Variants in CDH4 observed in about 807,000 individuals in gnomAD.
The protein encoded by CDH4 is cadherin 4.
Under a neutral mutation model 86.0 loss-of-function variants are expected in CDH4, and 33 were observed. The ratio of observed to expected loss-of-function variants is 0.38; its 90% confidence interval spans 0.29 to 0.51. CDH4 has a LOEUF of 0.51. CDH4 is among the 20% of genes least tolerant of loss of function. CDH4 has a pLI of 0.86. For synonymous variants in CDH4, 555 were observed against 549.4 expected, an observed-to-expected ratio of 1.01 and a Z score of -0.14; for missense variants, 1,114 against 1,307.4, an observed-to-expected ratio of 0.85 and a Z score of 2.28.
intron 2 of CDH4, among the ~76,000 whole-genome samples, chr20:61,394,010 T>C (rs1422043341): frequency 6.6e-6 from 1 of 152,216 alleles, no homozygotes; most frequent in African/African-American, 2.4e-5. Context: ...AGACGTATAA[T>C]ACAAATACTT....
chr20:61,789,374 GT>G (rs562204181), intron 4 of CDH4, among the ~76,000 whole-genome samples: 131 of 152,314 alleles, frequency 8.6e-4, no homozygotes, highest in African/African-American at 3.0e-3. Flanking sequence ...GAGCCTTGGT[GT>G]CTGTTTCTTA....
intron 2 of CDH4, among the ~76,000 whole-genome samples, chr20:61,428,012 A>C (rs1199276506): frequency 6.6e-6 from 1 of 152,150 alleles, no homozygotes; most frequent in African/African-American, 2.4e-5. Flanking sequence ...TGAGGAGTGA[A>C]TGAAGATGGT....
rs1250915844 is a variant in CDH4, at chr20:61,807,580, C to T, written c.576+34398C>T. Among the ~76,000 whole-genome samples the T allele has an allele frequency of 6.6e-6, 1 of 152,154 alleles. No individual in the cohort carries two copies. The highest frequency in any genetic ancestry group is 1.9e-4 in the East Asian group (1 of 5,180). On this transcript the variant is annotated intron_variant, in intron 4 of 15. Transcript: ENST00000614565. The surrounding 1 kb of genome is among the most constrained non-coding windows in gnomAD (Gnocchi z 4.5). Reference sequence around the variant, plus strand: ...TCAGCGAGGGGAGTGTGACCAAGGGCAGGTGTTCCGTGCAGGGCTGGTTGG... The same window carrying T: ...TCAGCGAGGGGAGTGTGACCAAGGGTAGGTGTTCCGTGCAGGGCTGGTTGG...
intron 2 of CDH4, among the ~76,000 whole-genome samples, chr20:61,262,239 G>C (rs78415146): frequency 6.6e-6 from 1 of 152,198 alleles, no homozygotes; most frequent in Non-Finnish European, 1.5e-5. Flanking sequence ...AGCTGATGCC[G>C]TGAGAGCTGG....
chr20:61,329,482 G>T (rs546021814), intron 2 of CDH4, among the ~76,000 whole-genome samples: 1 of 113,720 alleles, frequency 8.8e-6, no homozygotes, highest in Non-Finnish European at 2.0e-5. Flanking sequence ...GGCTGTGAGT[G>T]GCTCTTCTGC....
In CDH4 at chr20:61,614,242, C is replaced by G. The variant is rs917782104; in HGVS notation, c.170-129321C>G. 8.2e-4 allele frequency among the ~76,000 whole-genome samples: 124 copies of G among 152,126 alleles called. 1 individual carries two copies. Among genetic ancestry groups the G allele is most frequent in the Non-Finnish European group, 2.8e-4 (19 of 67,992 alleles). On this transcript the variant is annotated intron_variant, in intron 2 of 15. Coordinates refer to ENST00000614565, the MANE Select transcript of CDH4 (RefSeq NM_001794.5). ...CCTAGAGATTATGGGAACTTTTTGC[C>G]CCACCCTCTGACCCCAGGAAGAGAA...
At chr20:61,504,928 G>A (rs1181601031) in intron 2 of CDH4, among the ~76,000 whole-genome samples, 1 of 152,170 alleles carries the variant, frequency 6.6e-6, no homozygotes, top group Admixed American at 6.6e-5. Context: ...GGTTTAATGG[G>A]GAAAATAAAA....
intron 2 of CDH4, among the ~76,000 whole-genome samples, chr20:61,567,943 A>T (rs771867129): frequency 9.2e-5 from 14 of 152,258 alleles, no homozygotes; most frequent in Non-Finnish European, 1.3e-4. Flanking sequence ...ACTGTACTCC[A>T]GCCTGGATGA....
intron 2 of CDH4, among the ~76,000 whole-genome samples, chr20:61,457,730 C>T (rs1469995514): frequency 6.7e-6 from 1 of 149,402 alleles, no homozygotes; most frequent in African/African-American, 2.5e-5. Context: ...GCAGTGCTGA[C>T]ACTGGTGGTG....
In CDH4 at chr20:61,810,514, G is replaced by A. The variant is rs1355659509; in HGVS notation, c.577-34154G>A. 1.3e-5 allele frequency among the ~76,000 whole-genome samples: 2 copies of A among 152,046 alleles called. No individual in the cohort carries two copies. The highest frequency in any genetic ancestry group is 2.4e-5 in the African/African-American group (1 of 41,382). ...TGGGAAGGAGCAAGGGAGCGTGTACGGGAACCAGAATCAGGGAGCCACAGG... is the reference window on the plus strand; with the variant it reads ...TGGGAAGGAGCAAGGGAGCGTGTACAGGAACCAGAATCAGGGAGCCACAGG... On this transcript the variant is annotated intron_variant, in intron 4 of 15. Transcript: ENST00000614565. The surrounding 1 kb of genome is among the most constrained non-coding windows in gnomAD (Gnocchi z 4.3).
At chr20:61,431,710 G>C (rs1041783737) in intron 2 of CDH4, among the ~76,000 whole-genome samples, 3 of 151,972 alleles carry the variant, frequency 2.0e-5, no homozygotes, top group Non-Finnish European at 4.4e-5. Flanking sequence ...CATGAATTTT[G>C]ACATATGAAA....
chr20:61,880,255 G>C lies in CDH4; in HGVS notation c.1050+6355G>C, dbSNP rs143263682. 1.2e-3 allele frequency among the ~76,000 whole-genome samples: 184 copies of C among 152,308 alleles called. 2 individuals carry two copies. The East Asian group carries it at 0.034, about 28-fold the overall frequency. ...GCGAGCCTCTCGTAAGCCCCACCCAGAGGCATCTGCCTGGGGAGGGCAGTA... is the reference window on the plus strand; with the variant it reads ...GCGAGCCTCTCGTAAGCCCCACCCACAGGCATCTGCCTGGGGAGGGCAGTA... On this transcript the variant is annotated intron_variant, in intron 7 of 15. Coordinates refer to ENST00000614565, the MANE Select transcript of CDH4 (RefSeq NM_001794.5).
At chr20:61,542,102 G>A (rs2086043767) in intron 2 of CDH4, among the ~76,000 whole-genome samples, 1 of 152,154 alleles carries the variant, frequency 6.6e-6, no homozygotes, top group African/African-American at 2.4e-5. Context: ...TACCCAGAGG[G>A]CAGCTGGTCC....
In CDH4 at chr20:61,754,856, C is replaced by G. The variant is rs1156992509; in HGVS notation, c.396+11067C>G. On this transcript the variant is annotated intron_variant, in intron 3 of 15. Coordinates refer to ENST00000614565, the MANE Select transcript of CDH4 (RefSeq NM_001794.5). The surrounding 1 kb of genome is among the most constrained non-coding windows in gnomAD (Gnocchi z 4.7). Reference sequence around the variant, plus strand: ...ACACACATGCCCCACACACACCACACAGTGCACGCCACACACACCACACAT... The same window carrying G: ...ACACACATGCCCCACACACACCACAGAGTGCACGCCACACACACCACACAT... 1 of 152,554 alleles carries G rather than the reference C, an allele frequency of 6.6e-6. No individual in the cohort carries two copies. The highest frequency in any genetic ancestry group is 2.4e-5 in the African/African-American group (1 of 41,294). The allele number at this position is 152,554 out of a possible 1,614,324, so 9.5% of individuals were successfully genotyped here.
Position 61,703,565 on chromosome 20 carries a change from G to A in CDH4, c.170-39998G>A, listed in dbSNP as rs747977512. On this transcript the variant is annotated intron_variant, in intron 2 of 15. Transcript: ENST00000614565. This position sits in a 1 kb window ranked among gnomAD's most constrained non-coding sequence, Gnocchi z 4.3. ...TCAGGTGTGGGGATCAAAGCTCCTCGTCCCCAGCTTGTGTCCCTTCCCCGT... is the reference window on the plus strand; with the variant it reads ...TCAGGTGTGGGGATCAAAGCTCCTCATCCCCAGCTTGTGTCCCTTCCCCGT... Among the ~76,000 whole-genome samples the A allele has an allele frequency of 7.2e-5, 11 of 152,156 alleles. No homozygotes were observed. Among genetic ancestry groups the A allele is most frequent in the Admixed American group, 2.0e-4 (3 of 15,288 alleles).
intron 3 of CDH4, among the ~76,000 whole-genome samples, chr20:61,750,355 C>A (rs2088476624): frequency 6.6e-6 from 1 of 152,080 alleles, no homozygotes; most frequent in African/African-American, 2.4e-5. Flanking sequence ...ACAATTTATA[C>A]CAATACACTT....
intron 8 of CDH4, among the ~76,000 whole-genome samples, chr20:61,896,164 GC>G (rs1985100843): frequency 6.6e-6 from 1 of 152,226 alleles, no homozygotes; most frequent in Non-Finnish European, 1.5e-5. Context: ...CCAGGGTGCG[GC>G]CAGGGTACAG....
chr20:61,521,738 G>T (rs2085870591), intron 2 of CDH4, among the ~76,000 whole-genome samples: 1 of 152,090 alleles, frequency 6.6e-6, no homozygotes. Flanking sequence ...GGGCCCCCCT[G>T]CAGCCTGGAA....
chr20:61,901,194 C>T (rs2122891533), intron 8 of CDH4, among the ~76,000 whole-genome samples: 1 of 74,840 alleles, frequency 1.3e-5, no homozygotes, highest in South Asian at 5.2e-4. Flanking sequence ...GCGGGTATTG[C>T]AGTGAGCAGG....
Sources: gnomAD v4.1 joint callset for allele counts (sites outside exome capture counted in the v4.1 genomes callset) on GRCh38, gnomAD v4.1.1 for gene constraint, Gnocchi (gnomAD v3.1) non-coding constraint, MANE v1.5 for transcripts, NCBI Gene and HGNC (gene_info 2026-07-23, HGNC 2026-07-21) for gene names.